The following DACH2 variants were observed in gnomAD, a reference collection of about 807,000 sequenced individuals.
DACH2 encodes the protein dachshund family transcription factor 2.
In DACH2, 17 loss-of-function variants were observed where a neutral mutation model predicts 35.8. That is an observed-to-expected ratio of 0.48 (90% CI 0.33 to 0.71). The LOEUF (loss-of-function observed/expected upper bound fraction) is 0.71. Ranked by LOEUF, DACH2 falls within the 30% of genes least tolerant of loss-of-function variation. DACH2 has a pLI of 0.02. For missense variants in DACH2, 469 were observed against 472.7 expected, an observed-to-expected ratio of 0.99 and a Z score of 0.07; for synonymous variants, 195 against 177.3, an observed-to-expected ratio of 1.10 and a Z score of -0.79.
intron 7 of DACH2, among the ~76,000 whole-genome samples, chrX:86,752,233 G>A (rs777899258): frequency 2.7e-5 from 3 of 111,061 alleles, no homozygotes; most frequent in Non-Finnish European, 3.8e-5. Context: ...AAAAAACTAC[G>A]AATTTCTAAT....
intron 2 of DACH2, among the ~76,000 whole-genome samples, chrX:86,454,067 G>A (rs1235118080): frequency 9.0e-6 from 1 of 111,356 alleles, no homozygotes; most frequent in Non-Finnish European, 1.9e-5. Flanking sequence ...GAAATTCTGG[G>A]TTAGAAATTT....
chrX:86,454,890 C>T (rs1196167785), intron 2 of DACH2, among the ~76,000 whole-genome samples: 1 of 111,846 alleles, frequency 8.9e-6, no homozygotes, highest in African/African-American at 3.2e-5. Flanking sequence ...TTGTGTTGAT[C>T]ATTTCTCATC....
chrX:86,563,619 G>A (rs1324716334), intron 3 of DACH2, among the ~76,000 whole-genome samples: 2 of 110,684 alleles, frequency 1.8e-5, no homozygotes, highest in Non-Finnish European at 1.9e-5. Context: ...GAAATAAATG[G>A]AATGTAAGAT....
chrX:86,797,953 C>T (rs1485587100), intron 7 of DACH2, among the ~76,000 whole-genome samples: 2 of 112,260 alleles, frequency 1.8e-5, no homozygotes, highest in African/African-American at 6.5e-5. Context: ...TAATACTTCT[C>T]ATGAACGTCT....
chrX:86,359,057 G>GAGAGAAAT (rs2035690589), intron 1 of DACH2, among the ~76,000 whole-genome samples: 1 of 104,128 alleles, frequency 9.6e-6, no homozygotes, highest in Admixed American at 1.1e-4. Flanking sequence ...ATCAGAGAAA[G>GAGAGAAAT]GGAGAAATAG....
intron 3 of DACH2, among the ~76,000 whole-genome samples, chrX:86,642,666 G>A (rs1185633155): frequency 1.8e-5 from 2 of 111,876 alleles, no homozygotes; most frequent in East Asian, 2.8e-4. Flanking sequence ...TCTTCTCATT[G>A]CCACATGGCA....
intron 3 of DACH2, among the ~76,000 whole-genome samples, chrX:86,553,775 C>T (rs2039080912): frequency 1.8e-5 from 2 of 111,757 alleles, no homozygotes; most frequent in Admixed American, 1.9e-4. Flanking sequence ...CCACTGATTC[C>T]TACCTACTTC....
At position 86,667,486 on chromosome X, in the gene DACH2, G is replaced by GAAAGAAAGA. The variant is rs1569463536; in HGVS notation, c.772+16319_772+16320insAAAGAAAGA. Among the ~76,000 whole-genome samples the GAAAGAAAGA allele has an allele frequency of 3.6e-5, 3 of 82,791 alleles. No individual in the cohort carries two copies. In the East Asian group the frequency reaches 1.3e-3, roughly 36 times the overall value. 71.9% of individuals were successfully genotyped at this position (82,791 alleles called of 115,157 possible). On this transcript the variant is annotated intron_variant, in intron 4 of 11. Transcript: ENST00000373125. The stretch of plus-strand genomic sequence containing the variant: ...ATGAATGAAAGAAAGAAAGAAGGAA[G>GAAAGAAAGA]GAAAGAAAGAAAGAGAAAGAAAGAA...
intron 3 of DACH2, among the ~76,000 whole-genome samples, chrX:86,524,286 T>C (rs964355526): frequency 1.7e-4 from 19 of 112,331 alleles, no homozygotes; most frequent in African/African-American, 5.5e-4. Flanking sequence ...GGAGTCAGGA[T>C]TGCTCCTTGG....
chrX:86,683,420 C>CT (rs1602782364), intron 4 of DACH2, among the ~76,000 whole-genome samples: 1 of 111,492 alleles, frequency 9.0e-6, no homozygotes, highest in African/African-American at 3.3e-5. Flanking sequence ...TGCTGAACCA[C>CT]TTGATACATT....
At chrX:86,154,011 G>C (rs966488807) in intron 1 of DACH2, among the ~76,000 whole-genome samples, 3 of 111,451 alleles carry the variant, frequency 2.7e-5, no homozygotes, top group Non-Finnish European at 5.7e-5. Flanking sequence ...ATGGTCTTCA[G>C]ACATTAATGT....
intron 1 of DACH2, among the ~76,000 whole-genome samples, chrX:86,255,055 T>A (rs1254696748): frequency 3.7e-5 from 4 of 108,854 alleles, no homozygotes; most frequent in African/African-American, 1.3e-4. Context: ...GAAAGATTGC[T>A]CTATCACAGT....
In DACH2 at chrX:86,252,322, G is replaced by C. The variant is rs758094069; in HGVS notation, c.488+103214G>C. On this transcript the variant is annotated intron_variant, in intron 1 of 11. Coordinates refer to ENST00000373125, the MANE Select transcript of DACH2 (RefSeq NM_053281.3). ...GTTTATTCTGCTGACTGCTTCTTTTGCTATGCAGAAGCTCCTTAGTCTAAT... is the reference window on the plus strand; with the variant it reads ...GTTTATTCTGCTGACTGCTTCTTTTCCTATGCAGAAGCTCCTTAGTCTAAT... 4.5e-5 allele frequency among the ~76,000 whole-genome samples: 5 copies of C among 110,976 alleles called. No homozygotes were observed. The South Asian group carries it at 1.9e-3, about 42-fold the overall frequency.
At chrX:86,307,334 C>A (rs755037974) in intron 1 of DACH2, among the ~76,000 whole-genome samples, 1 of 111,733 alleles carries the variant, frequency 8.9e-6, no homozygotes, top group East Asian at 2.8e-4. Flanking sequence ...GGTTGACCTG[C>A]AATGAAAGAT....
intron 4 of DACH2, among the ~76,000 whole-genome samples, chrX:86,672,523 G>A (rs1387643562): frequency 9.0e-6 from 1 of 111,638 alleles, no homozygotes; most frequent in African/African-American, 3.3e-5. Flanking sequence ...AGCTGCTCTA[G>A]CTCCAGCCAT....
At chrX:86,756,431 C>T (rs1684884585) in intron 7 of DACH2, among the ~76,000 whole-genome samples, 1 of 106,684 alleles carries the variant, frequency 9.4e-6, no homozygotes, top group African/African-American at 3.4e-5. Context: ...TGTAGTTTTT[C>T]TTCTAGAGAT....
intron 2 of DACH2, among the ~76,000 whole-genome samples, chrX:86,412,327 C>T (rs2036628152): frequency 9.0e-6 from 1 of 111,316 alleles, no homozygotes; most frequent in Non-Finnish European, 1.9e-5. Context: ...TACTTCCACC[C>T]CTTGATTCCA....
chrX:86,214,040 C>A (rs1162566359), intron 1 of DACH2, among the ~76,000 whole-genome samples: 1 of 110,926 alleles, frequency 9.0e-6, no homozygotes, highest in South Asian at 3.7e-4. Flanking sequence ...CCAAACTTTC[C>A]TTTTCAACAT....
intron 1 of DACH2, among the ~76,000 whole-genome samples, chrX:86,327,230 A>G (rs1020129907): frequency 1.3e-4 from 15 of 112,185 alleles, no homozygotes; most frequent in Non-Finnish European, 2.3e-4. Context: ...TCACTATGAA[A>G]TATTGGGCAC....
Sources: gnomAD v4.1 joint callset for allele counts (sites outside exome capture counted in the v4.1 genomes callset) on GRCh38, gnomAD v4.1.1 for gene constraint, MANE v1.5 for transcripts, NCBI Gene and HGNC (gene_info 2026-07-23, HGNC 2026-07-21) for gene names.